Variants in SLAMF9 observed in about 807,000 individuals in gnomAD.
The protein encoded by SLAMF9 is CD2 family member 10.
A neutral mutation model predicts 30.4 loss-of-function variants in SLAMF9; 25 were observed. The ratio of observed to expected loss-of-function variants is 0.82; its 90% confidence interval spans 0.60 to 1.15. The LOEUF (loss-of-function observed/expected upper bound fraction) is 1.15. SLAMF9 is among the 50% of genes most tolerant of loss of function. SLAMF9 has a pLI of 0.00. For synonymous variants in SLAMF9, 129 were observed against 127.2 expected (o/e 1.01, Z -0.09); for missense variants, 344 against 346.1 (o/e 0.99, Z 0.05).
intron 2 of SLAMF9, among the ~76,000 whole-genome samples, chr1:159,952,911 AC>A (rs1334582634): frequency 6.6e-6 from 1 of 152,224 alleles, no homozygotes; most frequent in Non-Finnish European, 1.5e-5. Context: ...AGTGTGACAG[AC>A]ACTAAGAAGA....
At chr1:159,959,300 C>A in the SLAMF9 span, among the ~76,000 whole-genome samples, 7 of 151,936 alleles carry the variant, frequency 4.6e-5, no homozygotes, top group African/African-American at 1.7e-4. Context: ...TCTCTCTTAC[C>A]CCTGACCAGG....
chr1:159,967,961 C>A, the SLAMF9 span, among the ~76,000 whole-genome samples: 1 of 152,058 alleles, frequency 6.6e-6, no homozygotes, highest in Non-Finnish European at 1.5e-5. Flanking sequence ...TTGTATCCTG[C>A]AACTTTATGG....
chr1:159,965,526 A>C, the SLAMF9 span: 1 of 152,226 alleles, frequency 6.6e-6, no homozygotes, highest in Non-Finnish European at 1.5e-5. Flanking sequence ...GGTTGCCTGG[A>C]TACTGCATCT....
the SLAMF9 span, among the ~76,000 whole-genome samples, chr1:159,969,362 C>G: frequency 6.6e-6 from 1 of 152,182 alleles, no homozygotes; most frequent in African/African-American, 2.4e-5. Flanking sequence ...TAAGTCCTTC[C>G]TCTAGAACAG....
chr1:159,967,795 T>C, the SLAMF9 span, among the ~76,000 whole-genome samples: 1 of 152,186 alleles, frequency 6.6e-6, no homozygotes, highest in Non-Finnish European at 1.5e-5. Flanking sequence ...ATTTTATAGT[T>C]TTCAGTATAT....
the SLAMF9 span, among the ~76,000 whole-genome samples, chr1:159,976,263 T>A: frequency 6.6e-6 from 1 of 152,182 alleles, no homozygotes; most frequent in Admixed American, 6.5e-5. Flanking sequence ...AGCCATATAA[T>A]GAAATATAAT....
chr1:159,973,192 G>T, the SLAMF9 span: 1 of 1,485,838 alleles, frequency 6.7e-7, no homozygotes, highest in Non-Finnish European at 9.4e-7. Context: ...CTCAGGGGGT[G>T]CAGCTTTGTT....
At chr1:159,959,132 C>T (rs532208136), upstream of SLAMF9, among the ~76,000 whole-genome samples, 28 of 152,304 alleles carry the variant, frequency 1.8e-4, no homozygotes, top group African/African-American at 6.7e-4. Context: ...ACTCAGGTTT[C>T]CTCACTCCAG....
At chr1:159,967,241 T>A in the SLAMF9 span, among the ~76,000 whole-genome samples, 1 of 152,222 alleles carries the variant, frequency 6.6e-6, no homozygotes. Flanking sequence ...GCTGCACCCA[T>A]CAACTTGTCT....
At chr1:159,969,571 G>C in the SLAMF9 span, among the ~76,000 whole-genome samples, 1 of 152,290 alleles carries the variant, frequency 6.6e-6, no homozygotes, top group South Asian at 2.1e-4. Context: ...ATTGCAGATG[G>C]GCAAAACAAT....
upstream of SLAMF9, among the ~76,000 whole-genome samples, chr1:159,957,385 G>C (rs1651946067): frequency 6.6e-6 from 1 of 152,120 alleles, no homozygotes; most frequent in Non-Finnish European, 1.5e-5. Flanking sequence ...CAGCACTTTG[G>C]GAGGCCGAAG....
the SLAMF9 span, among the ~76,000 whole-genome samples, chr1:159,970,761 C>T: frequency 6.6e-6 from 1 of 152,218 alleles, no homozygotes; most frequent in Non-Finnish European, 1.5e-5. Context: ...ACAGCCCTCA[C>T]TTCTGATACC....
chr1:159,981,605 T>C, the SLAMF9 span, among the ~76,000 whole-genome samples: 3 of 152,200 alleles, frequency 2.0e-5, no homozygotes, highest in African/African-American at 7.2e-5. Flanking sequence ...TGACTGGCCT[T>C]AGAGCAGACT....
the SLAMF9 span, chr1:159,976,978 G>T: frequency 0.023 from 1,009 of 43,226 alleles, 34 homozygotes; most frequent in African/African-American, 0.044. Context: ...AAGAAGGAAA[G>T]AAGGAAAGAA....
chr1:159,978,367 C>G, the SLAMF9 span, among the ~76,000 whole-genome samples: 1 of 152,164 alleles, frequency 6.6e-6, no homozygotes, highest in Non-Finnish European at 1.5e-5. Flanking sequence ...GACTCCAGAT[C>G]TGACGAGGTG....
the SLAMF9 span, among the ~76,000 whole-genome samples, chr1:159,966,459 A>T: frequency 2.0e-5 from 3 of 152,318 alleles, no homozygotes; most frequent in Admixed American, 2.0e-4. Flanking sequence ...CAGCCATTTT[A>T]ATTCCTTTGG....
the SLAMF9 span, among the ~76,000 whole-genome samples, chr1:159,971,104 C>T: frequency 6.6e-6 from 1 of 152,170 alleles, no homozygotes; most frequent in East Asian, 1.9e-4. Flanking sequence ...AGTCACCGGC[C>T]CTTCCAAAGG....
the SLAMF9 span, among the ~76,000 whole-genome samples, chr1:159,975,961 A>G: frequency 3.9e-5 from 6 of 152,208 alleles, no homozygotes; most frequent in Non-Finnish European, 5.9e-5. Context: ...GTTAAAGTCT[A>G]TATGTAACTT....
At chr1:159,974,706 C>T in the SLAMF9 span, among the ~76,000 whole-genome samples, 4 of 152,332 alleles carry the variant, frequency 2.6e-5, no homozygotes, top group South Asian at 8.3e-4. Context: ...CGTTCTCTGT[C>T]CTGATTGGGC....
Sources: allele counts gnomAD v4.1 joint callset (sites outside exome capture counted in the v4.1 genomes callset), GRCh38; gene constraint gnomAD v4.1.1; transcripts MANE v1.5; gene names NCBI Gene and HGNC (gene_info 2026-07-23, HGNC 2026-07-21).